The following EARS2 variants were observed in gnomAD, a reference collection of about 807,000 sequenced individuals.
The protein encoded by EARS2 is glutamyl-tRNA synthetase 2, mitochondrial.
EARS2 carries 50 observed loss-of-function variants against 54.1 expected under a neutral mutation model. That is an observed-to-expected ratio of 0.92 (90% CI 0.74 to 1.17). EARS2 has a LOEUF of 1.17. Ranked by LOEUF, EARS2 falls within the 50% of genes most tolerant of loss-of-function variation. The pLI is 0.00. For synonymous variants in EARS2, 298 were observed against 281.0 expected, an observed-to-expected ratio of 1.06 and a Z score of -0.61; for missense variants, 673 against 675.0, an observed-to-expected ratio of 1.00 and a Z score of 0.03.
At chr16:23,546,526 C>T in intron 2 of EARS2, 1 of 444,558 alleles carries the variant, frequency 2.2e-6, no homozygotes. Context: ...ATCAAGTGGC[C>T]TGTGACCGGT....
rs762574055 is a variant in EARS2, at chr16:23,557,078, C to G, written c.139+127G>C. ...AGTTTCCGCCTCTGTAAAATGGGCT[C>G]GCGCTGCCTTAACCCTCCTCCGCCC... On this transcript the variant is annotated intron_variant, in intron 1 of 8. Transcript: ENST00000449606. 11 of 1,379,616 alleles carry G rather than the reference C, an allele frequency of 8.0e-6. No homozygotes were observed. In the Admixed American group the frequency reaches 2.2e-4, roughly 27 times the overall value. 85.5% of individuals were successfully genotyped at this position (1,379,616 alleles called of 1,614,324 possible).
Position 23,529,542 on chromosome 16 carries a change from T to C in EARS2, c.1312A>G (p.Ile438Val), listed in dbSNP as rs1386040314. 2 of 1,614,112 alleles carry C rather than the reference T, an allele frequency of 1.2e-6. No homozygotes were observed. Among genetic ancestry groups the C allele is most frequent in the Non-Finnish European group, 1.7e-6 (2 of 1,180,006 alleles). Residue 438 changes from isoleucine (I) to valine (V), a missense_variant, in exon 7 of 9, where the codon ATC becomes GTC. Coordinates refer to ENST00000449606, the MANE Select transcript of EARS2 (RefSeq NM_001083614.2). ...PAVGRAQLDA[I>V]SEKVDVIAKR... The stretch of plus-strand genomic sequence containing the variant: ...GCAATCACATCCACCTTCTCCGAGA[T>C]GGCGTCCAGCTGTGCTCGACCTACT...
chr16:23,549,917 G>A (rs773332060), intron 2 of EARS2, among the ~76,000 whole-genome samples: 21 of 152,114 alleles, frequency 1.4e-4, no homozygotes, highest in Admixed American at 3.9e-4. Context: ...AGGTCACCAC[G>A]GGGCTGGCTC....
chr16:23,538,894 TAAG>T (rs1342144438), intron 3 of EARS2, among the ~76,000 whole-genome samples: 2 of 151,764 alleles, frequency 1.3e-5, no homozygotes, highest in Non-Finnish European at 1.5e-5. Context: ...TCAGCTTTAT[TAAG>T]AAGGATTGCT....
At position 23,534,978 on chromosome 16, in the gene EARS2, CT is replaced by C; in HGVS notation, c.867del (p.Asp291ThrfsTer40). 6.2e-7 allele frequency: 1 copy of C among 1,612,304 alleles called. No individual in the cohort carries two copies. The highest frequency in any genetic ancestry group is 1.7e-5 in the Admixed American group (1 of 59,940). ...GCAAAGTGCTCCAGGAAAACGTCCC[CT>C]TGCCTCTTGGAGAGCTTGCTGCCAT... ...NRDGSKLSKRQGDVFLEHFAA... is the reference protein window; with the variant it reads ...NRDGSKLSKRXGDVFLEHFAA... On this transcript the variant is annotated frameshift_variant, in exon 4 of 9. Transcript: ENST00000449606. LOFTEE classifies it high-confidence loss of function.
At chr16:23,534,769 C>A in intron 4 of EARS2, 119 bp downstream of exon 4, 1 of 837,172 alleles carries the variant, frequency 1.2e-6, no homozygotes, top group Non-Finnish European at 1.8e-6. Context: ...TAAACTTGTC[C>A]AAGGTCACCT....
At chr16:23,545,693 C>T (rs1965592062) in intron 2 of EARS2, among the ~76,000 whole-genome samples, 1 of 152,178 alleles carries the variant, frequency 6.6e-6, no homozygotes, top group Non-Finnish European at 1.5e-5. Flanking sequence ...GAGATGGGGT[C>T]TCACTCTATC....
intron 3 of EARS2, among the ~76,000 whole-genome samples, chr16:23,539,343 C>G (rs1965475842): frequency 6.6e-6 from 1 of 152,112 alleles, no homozygotes; most frequent in South Asian, 2.1e-4. Context: ...GAAATCCATA[C>G]TTGATCTGTT....
At position 23,544,507 on chromosome 16, in the gene EARS2, T is replaced by A. The variant is rs767669947; in HGVS notation, c.485+7A>T. On this transcript the variant is annotated splice_region_variant and intron_variant, in intron 3 of 8. Transcript: ENST00000449606. ...ATGAGGCATCTGCAACAAGCTGAGG[T>A]TCTTACCGGGGCGTCTGGTGGTTCC... 1.4e-5 allele frequency: 22 copies of A among 1,611,422 alleles called. No homozygotes were observed. The East Asian group carries it at 4.9e-4, about 36-fold the overall frequency.
chr16:23,547,878 T>A (rs1965630052), intron 2 of EARS2, among the ~76,000 whole-genome samples: 1 of 151,724 alleles, frequency 6.6e-6, no homozygotes, highest in Non-Finnish European at 1.5e-5. Context: ...AGGTGGATCA[T>A]TTGAGCTCAG....
At chr16:23,536,590 A>G (rs1965421384) in intron 3 of EARS2, among the ~76,000 whole-genome samples, 1 of 151,566 alleles carries the variant, frequency 6.6e-6, no homozygotes. Flanking sequence ...GGAGCCCAGG[A>G]GGTTGAGGCT....
Position 23,529,894 on chromosome 16 carries a change from C to T in EARS2, c.1071G>A (p.Leu357=), listed in dbSNP as rs769677259. 17 of 1,613,906 alleles carry T rather than the reference C, an allele frequency of 1.1e-5. No individual in the cohort carries two copies. The highest frequency in any genetic ancestry group is 2.7e-5 in the African/African-American group (2 of 74,920). Residue 357 remains leucine, a synonymous_variant, in exon 6 of 9, where the codon CTG becomes CTA. Coordinates refer to ENST00000449606, the MANE Select transcript of EARS2 (RefSeq NM_001083614.2). ...CATTGCTCACCAGCCGCTGGAGGTG[C>T]AGTCTGCGGAAGAAATCAAGGGGCT... is the stretch of plus-strand genomic sequence containing the variant. The part of the protein sequence containing the change: ...DLEKLPEFNR[L]HLQRLVSNES...
At chr16:23,529,688 G>A (rs1965290914) in intron 6 of EARS2, 56 bp from the exon 7 acceptor site, 10 of 1,612,714 alleles carry the variant, frequency 6.2e-6, no homozygotes, top group Non-Finnish European at 8.5e-6. Flanking sequence ...GAAGGCAGGA[G>A]GAATTGAGGC....
chr16:23,552,003 G>T, intron 2 of EARS2, 146 bp downstream of exon 2: 1 of 929,794 alleles, frequency 1.1e-6, no homozygotes, highest in Non-Finnish European at 1.6e-6. Context: ...GGTGTCATCT[G>T]CCACCCCGGG....
At chr16:23,556,219 C>CTGG (rs1179475101) in intron 1 of EARS2, among the ~76,000 whole-genome samples, 1 of 151,956 alleles carries the variant, frequency 6.6e-6, no homozygotes, top group African/African-American at 2.4e-5. Context: ...GGTAGCCTTA[C>CTGG]TGGTGGGAAC....
chr16:23,535,427 G>A (rs1965402210), intron 3 of EARS2, 67 bp from the exon 4 acceptor site: 1 of 1,457,474 alleles, frequency 6.9e-7, no homozygotes, highest in African/African-American at 1.4e-5. Flanking sequence ...TCCTACCTCT[G>A]TCATAGCTGT....
chr16:23,535,354 G>A lies in EARS2; in HGVS notation c.492C>T (p.Asp164=), dbSNP rs1965400699. 1.3e-6 allele frequency: 2 copies of A among 1,598,094 alleles called. No homozygotes were observed. The highest frequency in any genetic ancestry group is 1.7e-5 in the Admixed American group (1 of 59,980). ...ALRNHQTPRY[D]NRCRNMSQEQ... is the part of the protein sequence containing the mutation. ...CCTGGCTCATGTTCCTGCACCGATT[G>A]TCATACCTGATGGGGAGCAGAGCAG... Residue 164 remains aspartate, a synonymous_variant, in exon 4 of 9, where the codon GAC becomes GAT. Transcript: ENST00000449606.
chr16:23,537,731 C>T (rs1965445304), intron 3 of EARS2, among the ~76,000 whole-genome samples: 3 of 151,856 alleles, frequency 2.0e-5, no homozygotes, highest in Admixed American at 2.0e-4. Flanking sequence ...CACGACTATA[C>T]CCAGCTAATT....
chr16:23,531,128 C>T (rs1303225088), intron 5 of EARS2, among the ~76,000 whole-genome samples: 1 of 151,076 alleles, frequency 6.6e-6, no homozygotes, highest in Non-Finnish European at 1.5e-5. Context: ...CGACTCCTGA[C>T]TCAGGAGATC....
Sources: allele counts gnomAD v4.1 joint callset (sites outside exome capture counted in the v4.1 genomes callset), GRCh38; gene constraint gnomAD v4.1.1; transcripts MANE v1.5; gene names NCBI Gene and HGNC (gene_info 2026-07-23, HGNC 2026-07-21).